KLHL3: variants seen among roughly 807,000 people sequenced by gnomAD.
KLHL3 encodes kelch like family member 3, also known as kelch-like protein 3.
In KLHL3, 19 loss-of-function variants were observed where a neutral mutation model predicts 70.5. That is an observed-to-expected ratio of 0.27 (90% CI 0.19 to 0.40). The LOEUF (loss-of-function observed/expected upper bound fraction) is 0.40. Among genes scored for constraint, KLHL3 ranks in the 10% least tolerant of loss-of-function variants. The pLI is 1.00. For missense variants in KLHL3, 512 were observed against 771.1 expected (o/e 0.66, Z 3.98); for synonymous variants, 258 against 290.3 (o/e 0.89, Z 1.13).
At chr5:137,721,549 A>G (rs1752997762) in intron 1 of KLHL3, among the ~76,000 whole-genome samples, 1 of 152,252 alleles carries the variant, frequency 6.6e-6, no homozygotes, top group Non-Finnish European at 1.5e-5. Flanking sequence ...AGAAAGACAA[A>G]GGATTATAAG....
chr5:137,651,853 G>T (rs996064337), intron 8 of KLHL3, among the ~76,000 whole-genome samples: 20 of 152,200 alleles, frequency 1.3e-4, no homozygotes, highest in African/African-American at 4.6e-4. Context: ...TGTAAAGGTA[G>T]ACAGATAAAA....
chr5:137,662,240 TACACACACAC>T lies in KLHL3; in HGVS notation c.637-219_637-210del, dbSNP rs138942924. ...TCAGAGAGTGATCACACACACACTC[TACACACACAC>T]ACACACACACACACACACACACACA... On this transcript the variant is annotated intron_variant, in intron 6 of 14. Transcript: ENST00000309755. Among the ~76,000 whole-genome samples the T allele has an allele frequency of 2.9e-3, 418 of 141,846 alleles. 1 individual carries two copies. Among genetic ancestry groups the T allele is most frequent in the African/African-American group, 8.1e-3 (310 of 38,320 alleles). The allele number at this position is 141,846 out of a possible 152,430, so 93.1% of individuals were successfully genotyped here.
intron 4 of KLHL3, among the ~76,000 whole-genome samples, chr5:137,695,998 C>G (rs979483995): frequency 6.6e-6 from 1 of 152,176 alleles, no homozygotes; most frequent in Admixed American, 6.5e-5. Flanking sequence ...CTGAAATGGC[C>G]CCCAGCAAGA....
At chr5:137,683,142 T>C (rs1471618712) in intron 5 of KLHL3, among the ~76,000 whole-genome samples, 2 of 152,142 alleles carry the variant, frequency 1.3e-5, no homozygotes, top group African/African-American at 4.8e-5. Context: ...CCTTTTAACA[T>C]TGGGAAGATA....
intron 1 of KLHL3, among the ~76,000 whole-genome samples, chr5:137,728,043 C>T (rs1289087173): frequency 6.6e-6 from 1 of 152,098 alleles, no homozygotes; most frequent in Non-Finnish European, 1.5e-5. Flanking sequence ...ATAGACATAA[C>T]CTCAAAGCCC....
intron 1 of KLHL3, 37 bp downstream of exon 1, chr5:137,735,596 T>G (rs1561624560): frequency 8.6e-6 from 13 of 1,514,808 alleles, no homozygotes; most frequent in Non-Finnish European, 1.2e-5. Context: ...TACACTTACA[T>G]ACACACACAA....
At position 137,621,797 on chromosome 5, in the gene KLHL3, C is replaced by T. The variant is rs910353778; in HGVS notation, c.*301G>A. The T allele has an allele frequency of 2.1e-6, 1 of 467,284 alleles. No homozygotes were observed. Among genetic ancestry groups the T allele is most frequent in the Non-Finnish European group, 3.9e-6 (1 of 258,528 alleles). The allele number at this position is 467,284 out of a possible 1,614,324, so 28.9% of individuals were successfully genotyped here. On this transcript the variant is annotated 3_prime_UTR_variant, in exon 15 of 15. Transcript: ENST00000309755. ...TGGTCTACACACACACACACACACACACACACTCCAGGGTCTGTATTGTCC... is the reference window on the plus strand; with the variant it reads ...TGGTCTACACACACACACACACACATACACACTCCAGGGTCTGTATTGTCC...
At chr5:137,704,703 A>G (rs138818643) in intron 3 of KLHL3, among the ~76,000 whole-genome samples, 62 of 152,312 alleles carry the variant, frequency 4.1e-4, no homozygotes, top group African/African-American at 1.4e-3. Flanking sequence ...AGCAGTCTCT[A>G]TTCCTGAGCA....
chr5:137,732,973 A>G (rs1753204353), intron 1 of KLHL3, among the ~76,000 whole-genome samples: 1 of 152,238 alleles, frequency 6.6e-6, no homozygotes, highest in Non-Finnish European at 1.5e-5. Context: ...TTTAATTAAT[A>G]GCCTTTCAAG....
intron 6 of KLHL3, among the ~76,000 whole-genome samples, chr5:137,663,139 C>A (rs1751527186): frequency 6.7e-6 from 1 of 148,946 alleles, no homozygotes; most frequent in South Asian, 2.1e-4. Flanking sequence ...CTCACTGCAA[C>A]CTCCACCTCC....
chr5:137,637,266 T>C (rs964797947), intron 11 of KLHL3, 28 bp downstream of exon 11: 1 of 1,592,874 alleles, frequency 6.3e-7, no homozygotes, highest in Non-Finnish European at 8.6e-7. Context: ...CAGGTAGGCC[T>C]GGCCACTGGC....
chr5:137,646,423 T>C (rs975076697), intron 8 of KLHL3, among the ~76,000 whole-genome samples: 5 of 152,242 alleles, frequency 3.3e-5, no homozygotes, highest in African/African-American at 1.2e-4. Flanking sequence ...CATGGAGCAC[T>C]ACACCCACTA....
At chr5:137,685,205 T>G (rs1380286498) in intron 5 of KLHL3, among the ~76,000 whole-genome samples, 1 of 152,250 alleles carries the variant, frequency 6.6e-6, no homozygotes, top group East Asian at 1.9e-4. Flanking sequence ...GATTGTACCC[T>G]ACAGGTATAC....
At chr5:137,677,109 T>C (rs1751902343) in intron 6 of KLHL3, among the ~76,000 whole-genome samples, 1 of 152,126 alleles carries the variant, frequency 6.6e-6, no homozygotes, top group Admixed American at 6.5e-5. Flanking sequence ...AATTTTTATT[T>C]TTAAAGGGAT....
chr5:137,709,233 CT>C (rs1752743530), intron 3 of KLHL3, among the ~76,000 whole-genome samples: 1 of 152,240 alleles, frequency 6.6e-6, no homozygotes, highest in African/African-American at 2.4e-5. Context: ...ATCTCCTCCA[CT>C]CCTGTAAAGA....
chr5:137,679,351 C>T (rs1751967380), intron 5 of KLHL3, among the ~76,000 whole-genome samples: 1 of 152,102 alleles, frequency 6.6e-6, no homozygotes. Context: ...CTCTCTGGAC[C>T]AGCCACAGCT....
intron 5 of KLHL3, among the ~76,000 whole-genome samples, chr5:137,690,499 G>A (rs1184469053): frequency 2.6e-5 from 4 of 152,204 alleles, no homozygotes; most frequent in Non-Finnish European, 4.4e-5. Flanking sequence ...GCACAGGAAC[G>A]GCAGAGAAGC....
chr5:137,648,029 T>C (rs917545408), intron 8 of KLHL3, among the ~76,000 whole-genome samples: 32 of 152,224 alleles, frequency 2.1e-4, no homozygotes, highest in African/African-American at 7.7e-4. Context: ...TGATAAATAG[T>C]AAACACTAAA....
At chr5:137,654,332 G>A (rs1049134775) in intron 8 of KLHL3, among the ~76,000 whole-genome samples, 3 of 152,148 alleles carry the variant, frequency 2.0e-5, no homozygotes, top group African/African-American at 4.8e-5. Context: ...GAAGCAGTTC[G>A]GTGTAAAAGG....
Sources: gnomAD v4.1 joint callset for allele counts (sites outside exome capture counted in the v4.1 genomes callset) on GRCh38, gnomAD v4.1.1 for gene constraint, MANE v1.5 for transcripts, NCBI Gene and HGNC (gene_info 2026-07-23, HGNC 2026-07-21) for gene names.